The following VWC2 variants were observed in gnomAD, a reference collection of about 807,000 sequenced individuals.
VWC2 encodes the protein von Willebrand factor C domain containing 2.
A neutral mutation model predicts 29.8 loss-of-function variants in VWC2; 14 were observed. That is an observed-to-expected ratio of 0.47 (90% confidence interval 0.31 to 0.74). VWC2 has a LOEUF of 0.74. VWC2 is among the 30% of genes least tolerant of loss of function. VWC2 has a pLI of 0.05. For synonymous variants in VWC2, 213 were observed against 199.0 expected, an observed-to-expected ratio of 1.07 and a Z score of -0.59; for missense variants, 457 against 459.8, an observed-to-expected ratio of 0.99 and a Z score of 0.05.
chr7:49,894,337 G>A (rs2128731839), intron 3 of VWC2, among the ~76,000 whole-genome samples: 1 of 152,154 alleles, frequency 6.6e-6, no homozygotes, highest in East Asian at 1.9e-4. Flanking sequence ...TGTATTTTTT[G>A]TAGAGACGGG....
chr7:49,874,514 T>C (rs938521050), intron 3 of VWC2, among the ~76,000 whole-genome samples: 2 of 151,860 alleles, frequency 1.3e-5, no homozygotes, highest in Admixed American at 6.6e-5. Flanking sequence ...TTTCTCACAA[T>C]GTATCCTCGT....
At chr7:49,832,205 C>T (rs1476991859) in intron 3 of VWC2, among the ~76,000 whole-genome samples, 1 of 152,100 alleles carries the variant, frequency 6.6e-6, no homozygotes, top group Non-Finnish European at 1.5e-5. Context: ...TGAGTCTTTG[C>T]TGTAAGCTGT....
chr7:49,899,685 A>C (rs1475098164), intron 3 of VWC2, among the ~76,000 whole-genome samples: 5 of 151,984 alleles, frequency 3.3e-5, no homozygotes, highest in African/African-American at 1.2e-4. Context: ...AAAATCTGAT[A>C]GAACTGCAAG....
At chr7:49,841,139 T>A (rs1789784170) in intron 3 of VWC2, among the ~76,000 whole-genome samples, 1 of 152,218 alleles carries the variant, frequency 6.6e-6, no homozygotes, top group Admixed American at 6.5e-5. Context: ...CTGTCTGTTC[T>A]GGCCCAGGAG....
In VWC2 at chr7:49,905,595, C is replaced by T. The variant is rs115144231; in HGVS notation, c.827-6439C>T. 3.2e-3 allele frequency among the ~76,000 whole-genome samples: 480 copies of T among 152,176 alleles called. 2 individuals carry two copies. The highest frequency in any genetic ancestry group is 0.01 in the African/African-American group (435 of 41,528). On this transcript the variant is annotated intron_variant, in intron 3 of 3. Coordinates refer to ENST00000340652, the MANE Select transcript of VWC2 (RefSeq NM_198570.5). ...TTGTACTTTGTGTGTTTGTAAACTA[C>T]AATACAATAGAAAACTCTACAATGA...
At chr7:49,834,513 G>A (rs1012849216) in intron 3 of VWC2, among the ~76,000 whole-genome samples, 2 of 152,182 alleles carry the variant, frequency 1.3e-5, no homozygotes, top group African/African-American at 2.4e-5. Context: ...TAGTCCTACT[G>A]AGTGTCAGTC....
At chr7:49,788,736 A>ATG (rs201910087) in intron 2 of VWC2, among the ~76,000 whole-genome samples, 1 of 111,988 alleles carries the variant, frequency 8.9e-6, no homozygotes, top group Non-Finnish European at 1.9e-5. Context: ...GTGTGTGTGG[A>ATG]TGTGTGTGTG....
At chr7:49,829,801 A>G (rs1466489062) in intron 3 of VWC2, among the ~76,000 whole-genome samples, 1 of 152,220 alleles carries the variant, frequency 6.6e-6, no homozygotes, top group Admixed American at 6.5e-5. Flanking sequence ...ACATTAAACA[A>G]ACAACAATTA....
intron 3 of VWC2, among the ~76,000 whole-genome samples, chr7:49,891,686 A>T (rs890913633): frequency 6.6e-6 from 1 of 152,206 alleles, no homozygotes; most frequent in Non-Finnish European, 1.5e-5. Context: ...TTCTGATGTA[A>T]TCACTTTGGG....
rs1387994499 is a variant in VWC2, at chr7:49,919,288, C to G, written c.*7103C>G. On this transcript the variant is annotated 3_prime_UTR_variant, in exon 4 of 4. Coordinates refer to ENST00000340652, the MANE Select transcript of VWC2 (RefSeq NM_198570.5). ...ATATGGTCTTTGGACCCATGAAGCT[C>G]TGAGTCAAGGATACCAGCAGATATC... 6.6e-6 allele frequency: 1 copy of G among 152,102 alleles called. No individual in the cohort carries two copies. Among genetic ancestry groups the G allele is most frequent in the Non-Finnish European group, 1.5e-5 (1 of 68,018 alleles). The allele number at this position is 152,102 out of a possible 1,614,324, so 9.4% of individuals were successfully genotyped here.
chr7:49,776,723 A>G (rs1788062187), intron 2 of VWC2, among the ~76,000 whole-genome samples: 1 of 152,224 alleles, frequency 6.6e-6, no homozygotes, highest in Non-Finnish European at 1.5e-5. Context: ...GATGAGTAGT[A>G]GTAATGTTAA....
intron 3 of VWC2, among the ~76,000 whole-genome samples, chr7:49,856,775 C>T (rs1790433533): frequency 1.3e-5 from 2 of 151,818 alleles, no homozygotes; most frequent in African/African-American, 2.4e-5. Flanking sequence ...ATTGGGAGGC[C>T]GAGGTGGGCG....
chr7:49,821,466 C>T (rs946589911), intron 3 of VWC2, among the ~76,000 whole-genome samples: 1 of 152,178 alleles, frequency 6.6e-6, no homozygotes, highest in East Asian at 1.9e-4. Context: ...TAACATGACT[C>T]ATTTTCAACT....
intron 3 of VWC2, among the ~76,000 whole-genome samples, chr7:49,848,012 T>TA (rs1790017155): frequency 6.6e-6 from 1 of 152,198 alleles, no homozygotes; most frequent in African/African-American, 2.4e-5. Context: ...GAGATAGGGC[T>TA]AGCACAGCAT....
At chr7:49,872,022 T>C (rs1791181012) in intron 3 of VWC2, among the ~76,000 whole-genome samples, 1 of 143,026 alleles carries the variant, frequency 7.0e-6, no homozygotes, top group African/African-American at 2.6e-5. Flanking sequence ...AATGATGAAG[T>C]AATATATAGA....
intron 3 of VWC2, among the ~76,000 whole-genome samples, chr7:49,824,107 T>C (rs1201213451): frequency 6.6e-6 from 1 of 152,190 alleles, no homozygotes; most frequent in African/African-American, 2.4e-5. Flanking sequence ...TTTTTAATTT[T>C]GATAAAGTTC....
At chr7:49,807,854 C>A (rs894962860) in intron 3 of VWC2, among the ~76,000 whole-genome samples, 25 of 152,058 alleles carry the variant, frequency 1.6e-4, no homozygotes, top group African/African-American at 5.3e-4. Context: ...AAAATATTTG[C>A]AATATGTATA....
At chr7:49,781,638 C>T (rs558614534) in intron 2 of VWC2, among the ~76,000 whole-genome samples, 14 of 152,158 alleles carry the variant, frequency 9.2e-5, no homozygotes, top group African/African-American at 2.2e-4. Context: ...ATAGTGTCTT[C>T]GTGACCATAT....
At chr7:49,887,971 T>C (rs1278838742) in intron 3 of VWC2, among the ~76,000 whole-genome samples, 1 of 152,066 alleles carries the variant, frequency 6.6e-6, no homozygotes, top group Non-Finnish European at 1.5e-5. Flanking sequence ...TGTAGCCTGT[T>C]TCACAATGCA....
Sources: gnomAD v4.1 joint callset for allele counts (sites outside exome capture counted in the v4.1 genomes callset) on GRCh38, gnomAD v4.1.1 for gene constraint, MANE v1.5 for transcripts, NCBI Gene and HGNC (gene_info 2026-07-23, HGNC 2026-07-21) for gene names.